TRPM3: variants seen among roughly 807,000 people sequenced by gnomAD.
TRPM3 encodes transient receptor potential cation channel subfamily M member 3.
In TRPM3, 77 loss-of-function variants were observed where a neutral mutation model predicts 181.2. That is an observed-to-expected ratio of 0.42 (90% CI 0.35 to 0.51). The LOEUF is 0.51. Among genes scored for constraint, TRPM3 ranks in the 20% least tolerant of loss-of-function variants. The pLI is 0.01. For synonymous variants in TRPM3, 745 were observed against 796.4 expected, an observed-to-expected ratio of 0.94 and a Z score of 1.09; for missense variants, 1,759 against 2,196.7, an observed-to-expected ratio of 0.80 and a Z score of 3.98.
At chr9:70,594,658 A>G (rs1033478681) in intron 21 of TRPM3, among the ~76,000 whole-genome samples, 1 of 152,156 alleles carries the variant, frequency 6.6e-6, no homozygotes, top group African/African-American at 2.4e-5. Context: ...GCTGTGAGGC[A>G]TTTGGTGTAC....
intron 1 of TRPM3, among the ~76,000 whole-genome samples, chr9:70,948,858 A>C (rs1296552986): frequency 6.6e-6 from 1 of 152,194 alleles, no homozygotes; most frequent in Non-Finnish European, 1.5e-5. Flanking sequence ...CAAGAATAGT[A>C]ATTAATGCAG....
intron 1 of TRPM3, among the ~76,000 whole-genome samples, chr9:71,143,614 T>C (rs1223695841): frequency 6.6e-6 from 1 of 152,168 alleles, no homozygotes; most frequent in Non-Finnish European, 1.5e-5. Flanking sequence ...GTTGATTCTA[T>C]GTGTTTGCTA....
At chr9:71,238,814 G>A (rs2081506716) in intron 1 of TRPM3, among the ~76,000 whole-genome samples, 1 of 152,086 alleles carries the variant, frequency 6.6e-6, no homozygotes, top group South Asian at 2.1e-4. Flanking sequence ...CTTCACCTGT[G>A]GAAGGCATTT....
At chr9:71,423,977 A>C (rs1412658668) in intron 1 of TRPM3, among the ~76,000 whole-genome samples, 1 of 152,144 alleles carries the variant, frequency 6.6e-6, no homozygotes, top group Non-Finnish European at 1.5e-5. Context: ...GAATGATGTC[A>C]GGCTGGCTGA....
chr9:70,892,563 C>T (rs983697167), intron 1 of TRPM3, among the ~76,000 whole-genome samples: 2 of 147,850 alleles, frequency 1.4e-5, no homozygotes, highest in African/African-American at 5.0e-5. Flanking sequence ...CAAGTCAATA[C>T]ATTGCTACTT....
intron 1 of TRPM3, among the ~76,000 whole-genome samples, chr9:71,381,183 C>T (rs2092791553): frequency 6.6e-6 from 1 of 152,124 alleles, no homozygotes; most frequent in Non-Finnish European, 1.5e-5. Context: ...GAGCCTAGAA[C>T]TCTCAGGCAA....
In TRPM3 at chr9:70,903,397, G is replaced by A. The variant is rs759042637; in HGVS notation, c.178-38886C>T. The stretch of plus-strand genomic sequence containing the variant: ...CACTGTATGGAAATGCCACGTTGGC[G>A]CCCCTACATGAACATTCTAGACCTC... On this transcript the variant is annotated intron_variant, in intron 1 of 25. Transcript: ENST00000677713. Among the ~76,000 whole-genome samples, 6 of 152,106 alleles carry A rather than the reference G, an allele frequency of 3.9e-5. No individual in the cohort carries two copies. The East Asian group carries it at 1.2e-3, about 29-fold the overall frequency.
chr9:70,988,668 T>C (rs1250810775), intron 1 of TRPM3, among the ~76,000 whole-genome samples: 1 of 152,226 alleles, frequency 6.6e-6, no homozygotes, highest in African/African-American at 2.4e-5. Flanking sequence ...TCTTAAAATA[T>C]GATTATTCTT....
intron 1 of TRPM3, among the ~76,000 whole-genome samples, chr9:71,216,756 C>A (rs1422328956): frequency 1.3e-5 from 2 of 152,060 alleles, no homozygotes; most frequent in South Asian, 4.1e-4. Flanking sequence ...CAGCACTAGG[C>A]ACATAACTAG....
rs118131963 is a variant in TRPM3, at chr9:71,043,980, T to A, written c.177+77198A>T. On this transcript the variant is annotated intron_variant, in intron 1 of 25. Coordinates refer to ENST00000677713, the MANE Select transcript of TRPM3 (RefSeq NM_001366145.2). ...CTTCCCCTGCTTATTTTCTATAATTTTGTACTACCCCAACTGATTCTCTTT... is the reference window on the plus strand; with the variant it reads ...CTTCCCCTGCTTATTTTCTATAATTATGTACTACCCCAACTGATTCTCTTT... Among the ~76,000 whole-genome samples, 21 of 152,300 alleles carry A rather than the reference T, an allele frequency of 1.4e-4. No homozygotes were observed. The East Asian group carries it at 3.9e-3, about 28-fold the overall frequency.
intron 1 of TRPM3, among the ~76,000 whole-genome samples, chr9:71,003,760 C>A (rs1222457863): frequency 6.6e-6 from 1 of 151,254 alleles, no homozygotes; most frequent in Non-Finnish European, 1.5e-5. Flanking sequence ...CCCGAAATCA[C>A]TCCCCCCGTA....
intron 1 of TRPM3, among the ~76,000 whole-genome samples, chr9:71,355,907 T>A (rs925278097): frequency 1.3e-5 from 2 of 152,204 alleles, no homozygotes; most frequent in African/African-American, 4.8e-5. Context: ...AAAATAAGAT[T>A]TTTATTAGAC....
rs760581216 is a variant in TRPM3 at position 70,616,103 on chromosome 9, TA to T, written c.2359-29del. On this transcript the variant is annotated intron_variant, in intron 17 of 25. Transcript: ENST00000677713. ...AAAGTAATAATAATGATAATAATAA[TA>T]ATCACATTTAAAGGATTAAGATTAG... is the stretch of plus-strand genomic sequence containing the variant. 27 of 1,482,226 alleles carry T rather than the reference TA, an allele frequency of 1.8e-5. No homozygotes were observed. In the African/African-American group the frequency reaches 2.4e-4, roughly 13 times the overall value. 91.8% of individuals were successfully genotyped at this position (1,482,226 alleles called of 1,614,324 possible).
In TRPM3 at chr9:71,231,039, T is replaced by C. The variant is rs1349332962; in HGVS notation, c.183+215614A>G. Among the ~76,000 whole-genome samples the C allele has an allele frequency of 2.6e-5, 4 of 152,328 alleles. No individual in the cohort carries two copies. In the East Asian group the frequency reaches 7.7e-4, roughly 29 times the overall value. On this transcript the variant is annotated intron_variant, in intron 1 of 24. Transcript: ENST00000357533. ...TAAATAAAGGAATAAAGTAATGTTCTTCCATGGAATATATCAAGCTACTTT... is the reference window on the plus strand; with the variant it reads ...TAAATAAAGGAATAAAGTAATGTTCCTCCATGGAATATATCAAGCTACTTT...
intron 1 of TRPM3, among the ~76,000 whole-genome samples, chr9:70,967,754 T>C (rs911454339): frequency 6.6e-6 from 1 of 152,106 alleles, no homozygotes; most frequent in African/African-American, 2.4e-5. Context: ...GATGTGAATA[T>C]TTATTGAGAA....
At chr9:71,100,255 T>C (rs117497035) in intron 1 of TRPM3, among the ~76,000 whole-genome samples, 1 of 152,124 alleles carries the variant, frequency 6.6e-6, no homozygotes, top group Non-Finnish European at 1.5e-5. Context: ...TGAGGGAGAT[T>C]TGAAGATGCC....
At chr9:71,109,901 T>C (rs2134190944) in intron 1 of TRPM3, among the ~76,000 whole-genome samples, 1 of 152,290 alleles carries the variant, frequency 6.6e-6, no homozygotes, top group Middle Eastern at 3.4e-3. Flanking sequence ...TCATTTGATG[T>C]AAAGGAAAGT....
At chr9:70,661,765 A>G (rs1490169702) in intron 9 of TRPM3, among the ~76,000 whole-genome samples, 1 of 152,150 alleles carries the variant, frequency 6.6e-6, no homozygotes, top group Non-Finnish European at 1.5e-5. Context: ...CACTGCTGAA[A>G]GAAAGATAAG....
chr9:71,364,869 C>G (rs889653067), intron 1 of TRPM3, among the ~76,000 whole-genome samples: 2 of 152,142 alleles, frequency 1.3e-5, no homozygotes, highest in African/African-American at 4.8e-5. Context: ...TTCTTTTTAA[C>G]TGAATCATCA....
Sources: gnomAD v4.1 joint callset for allele counts (sites outside exome capture counted in the v4.1 genomes callset) on GRCh38, gnomAD v4.1.1 for gene constraint, MANE v1.5 for transcripts, NCBI Gene and HGNC (gene_info 2026-07-23, HGNC 2026-07-21) for gene names.